The following STK33 variants were observed in gnomAD, a reference collection of about 807,000 sequenced individuals.
STK33 encodes the protein serine/threonine kinase 33.
In STK33, 52 loss-of-function variants were observed where a neutral mutation model predicts 58.0. The ratio of observed to expected loss-of-function variants is 0.90; its 90% CI spans 0.72 to 1.13. The LOEUF (loss-of-function observed/expected upper bound fraction) is 1.13, where lower values mean the gene tolerates loss of function less well. Among genes scored for constraint, STK33 ranks in the 50% most tolerant of loss-of-function variants. The probability of loss-of-function intolerance (pLI) is 0.00; values close to 1 mark genes in which losing one functional copy is unlikely to be tolerated. For synonymous variants in STK33, 215 were observed against 200.1 expected, an observed-to-expected ratio of 1.07 and a Z score of -0.63; for missense variants, 630 against 604.2, an observed-to-expected ratio of 1.04 and a Z score of -0.45.
intron 14 of STK33, 73 bp from the exon 15 acceptor site, chr11:8,413,765 A>T: frequency 7.4e-7 from 1 of 1,347,776 alleles, no homozygotes; most frequent in Non-Finnish European, 1.0e-6. Flanking sequence ...TCATTTAGCG[A>T]GACAGTCTCC....
the STK33 span, among the ~76,000 whole-genome samples, chr11:8,370,038 G>C: frequency 6.6e-6 from 1 of 152,212 alleles, no homozygotes; most frequent in Non-Finnish European, 1.5e-5. Flanking sequence ...CCCCGTTCTG[G>C]TGCTCCAGCT....
intron 14 of STK33, chr11:8,434,308 A>G (rs1489592426): frequency 1.6e-5 from 3 of 186,162 alleles, no homozygotes; most frequent in South Asian, 8.9e-5. Flanking sequence ...ATGTAATTAT[A>G]TCATGTATCC....
chr11:8,491,799 T>C (rs1950634649), intron 1 of STK33, among the ~76,000 whole-genome samples: 2 of 152,134 alleles, frequency 1.3e-5, no homozygotes, highest in Non-Finnish European at 1.5e-5. Context: ...TTCAACATTC[T>C]TAAAGAAAAG....
intron 1 of STK33, among the ~76,000 whole-genome samples, chr11:8,490,246 C>CG (rs1367428772): frequency 6.6e-6 from 1 of 152,216 alleles, no homozygotes; most frequent in Non-Finnish European, 1.5e-5. Flanking sequence ...TCTTAGCAAA[C>CG]GGCACACCAG....
At chr11:8,475,241 C>T (rs1000115584) in intron 4 of STK33, 175 bp from the exon 5 acceptor site, 3 of 194,456 alleles carry the variant, frequency 1.5e-5, no homozygotes, top group Middle Eastern at 1.9e-3. Context: ...TATCAAACTG[C>T]GTAGTGGGTT....
chr11:8,477,024 GA>G (rs1359268108), intron 3 of STK33, among the ~76,000 whole-genome samples: 1 of 151,902 alleles, frequency 6.6e-6, no homozygotes, highest in Non-Finnish European at 1.5e-5. Flanking sequence ...AAAGTGGTGG[GA>G]AAAAAATTTC....
At chr11:8,349,963 C>T in the STK33 span, among the ~76,000 whole-genome samples, 5 of 152,370 alleles carry the variant, frequency 3.3e-5, no homozygotes, top group East Asian at 9.6e-4. Context: ...ACCAAGGCCC[C>T]ACAGAGCTGC....
At chr11:8,380,890 CATATACACACTACTATACACACAT>C in the STK33 span, among the ~76,000 whole-genome samples, 2 of 152,090 alleles carry the variant, frequency 1.3e-5, no homozygotes, top group Admixed American at 1.3e-4. Flanking sequence ...TACACCGTGG[CATATACACACTACTATACACACAT>C]ATATACACAC....
At chr11:8,550,113 GTAAT>G (rs1490867969) in intron 1 of STK33, among the ~76,000 whole-genome samples, 1 of 152,148 alleles carries the variant, frequency 6.6e-6, no homozygotes, top group Non-Finnish European at 1.5e-5. Flanking sequence ...ATATAACTAT[GTAAT>G]TAATGAAGGA....
chr11:8,458,431 A>C (rs1482031282), intron 8 of STK33, among the ~76,000 whole-genome samples: 1 of 152,092 alleles, frequency 6.6e-6, no homozygotes, highest in Non-Finnish European at 1.5e-5. Flanking sequence ...TAAAAAAAAA[A>C]AAAAACAGGT....
intron 1 of STK33, among the ~76,000 whole-genome samples, chr11:8,573,724 C>T (rs1203583275): frequency 6.6e-6 from 1 of 152,140 alleles, no homozygotes; most frequent in African/African-American, 2.4e-5. Flanking sequence ...TGTAGCACAT[C>T]CATACTAAGG....
Position 8,557,834 on chromosome 11 carries a change from G to A in STK33, c.-466+36249C>T, listed in dbSNP as rs974075497. ...AATACTTGGTTTTCAATCACATGCT[G>A]TTTATACCTATGTACTTACTTCATG... is the stretch of plus-strand genomic sequence containing the variant. On this transcript the variant is annotated intron_variant, in intron 1 of 15. Transcript: ENST00000687296. Among the ~76,000 whole-genome samples, 10 of 152,080 alleles carry A rather than the reference G, an allele frequency of 6.6e-5. No individual in the cohort carries two copies. In the South Asian group the frequency reaches 1.2e-3, roughly 19 times the overall value.
the STK33 span, among the ~76,000 whole-genome samples, chr11:8,375,840 T>C: frequency 2.6e-4 from 39 of 152,288 alleles, no homozygotes; most frequent in African/African-American, 9.1e-4. Context: ...TCTCCAGCCA[T>C]GTGGAACTGT....
rs528002556 is a variant in STK33 at position 8,401,117 on chromosome 11, G to A, written c.1345-8407C>T. Among the ~76,000 whole-genome samples the A allele has an allele frequency of 9.9e-3, 1,506 of 152,074 alleles. 21 individuals carry two copies. Among genetic ancestry groups the A allele is most frequent in the African/African-American group, 0.034 (1,395 of 41,448 alleles). ...TTTCTTCACAGAATTGGAAAAAACT[G>A]CTTTAAAGTTAATATGGAACCAAAA... On this transcript the variant is annotated intron_variant, in intron 15 of 15. Coordinates refer to ENST00000687296, the MANE Select transcript of STK33 (RefSeq NM_001352389.2).
the STK33 span, among the ~76,000 whole-genome samples, chr11:8,356,069 G>T: frequency 6.6e-6 from 1 of 152,254 alleles, no homozygotes; most frequent in Non-Finnish European, 1.5e-5. Context: ...GGGTGCAGGG[G>T]TGGGGAGCTG....
chr11:8,443,823 T>C (rs1431079604), intron 11 of STK33, among the ~76,000 whole-genome samples: 1 of 152,004 alleles, frequency 6.6e-6, no homozygotes, highest in Admixed American at 6.6e-5. Context: ...TGAGATCTCA[T>C]CTCTACTAAA....
At chr11:8,446,868 G>A (rs1945539703) in intron 11 of STK33, among the ~76,000 whole-genome samples, 1 of 152,224 alleles carries the variant, frequency 6.6e-6, no homozygotes, top group East Asian at 1.9e-4. Flanking sequence ...AAAAAACCTA[G>A]AAGAAAACCT....
intron 6 of STK33, chr11:8,465,201 C>G (rs550820921): frequency 6.5e-6 from 1 of 153,434 alleles, no homozygotes; most frequent in East Asian, 1.9e-4. Context: ...AATACATTCA[C>G]CCCAAAACAT....
chr11:8,538,486 T>C (rs1023770580), intron 1 of STK33, among the ~76,000 whole-genome samples: 1 of 152,206 alleles, frequency 6.6e-6, no homozygotes, highest in African/African-American at 2.4e-5. Context: ...GTAGCTTTAT[T>C]TGTGTAAACA....
Sources: gnomAD v4.1 joint callset for allele counts (sites outside exome capture counted in the v4.1 genomes callset) on GRCh38, gnomAD v4.1.1 for gene constraint, MANE v1.5 for transcripts, NCBI Gene and HGNC (gene_info 2026-07-23, HGNC 2026-07-21) for gene names.